The following LRCH1 variants were observed in gnomAD, a reference collection of about 807,000 sequenced individuals.
The protein encoded by LRCH1 is leucine rich repeats and calponin homology domain containing 1, also known as leucine-rich repeat and calponin homology domain-containing protein 1.
Under a neutral mutation model 94.9 loss-of-function variants are expected in LRCH1, and 23 were observed. That is an observed-to-expected ratio of 0.24 (90% CI 0.17 to 0.34). The LOEUF (loss-of-function observed/expected upper bound fraction) is 0.34. LRCH1 is among the 10% of genes least tolerant of loss of function. LRCH1 has a pLI of 1.00. For synonymous variants in LRCH1, 364 were observed against 354.9 expected (o/e 1.03, Z -0.29); for missense variants, 790 against 945.9 (o/e 0.84, Z 2.16).
At chr13:46,680,857 G>A (rs569640016) in intron 3 of LRCH1, among the ~76,000 whole-genome samples, 4 of 152,288 alleles carry the variant, frequency 2.6e-5, no homozygotes, top group African/African-American at 4.8e-5. Flanking sequence ...CATCCAAGGC[G>A]GAGACTGATG....
Position 46,636,157 on chromosome 13 carries a change from C to T in LRCH1, c.308-14044C>T, listed in dbSNP as rs150192853. Among the ~76,000 whole-genome samples the T allele has an allele frequency of 6.7e-3, 915 of 136,318 alleles. 6 individuals are homozygous for T. Among genetic ancestry groups the T allele is most frequent in the African/African-American group, 0.024 (874 of 36,532 alleles). 89.4% of individuals were successfully genotyped at this position (136,318 alleles called of 152,430 possible). On this transcript the variant is annotated intron_variant, in intron 1 of 19. Transcript: ENST00000389797. Reference sequence around the variant, plus strand: ...CGATCTCGGCTCACTGTAACCTCTGCTTCCTGGGTTCAAGCGATTCTCCTA... The same window carrying T: ...CGATCTCGGCTCACTGTAACCTCTGTTTCCTGGGTTCAAGCGATTCTCCTA...
chr13:46,735,048 G>A (rs925361332), intron 19 of LRCH1, among the ~76,000 whole-genome samples: 7 of 151,648 alleles, frequency 4.6e-5, no homozygotes, highest in African/African-American at 1.7e-4. Flanking sequence ...GGGGGATAGC[G>A]GTAGACTTCT....
At chr13:46,685,776 C>T in intron 4 of LRCH1, 129 bp from the exon 5 acceptor site, 2 of 643,496 alleles carry the variant, frequency 3.1e-6, no homozygotes, top group Non-Finnish European at 5.0e-6. Flanking sequence ...TAATGTACAA[C>T]TTGCCTTTGA....
At position 46,553,421 on chromosome 13, in the gene LRCH1, C is replaced by T. The variant is rs1292582960; in HGVS notation, c.25C>T (p.Gln9Ter). ...GATGGCGACGCCGGGAAGCGAACCCCAACCTTTCGTCCCGGCCCTTTCGGT... is the reference window on the plus strand; with the variant it reads ...GATGGCGACGCCGGGAAGCGAACCCTAACCTTTCGTCCCGGCCCTTTCGGT... MATPGSEPQPFVPALSVAT... is the reference protein window; with the variant it reads MATPGSEP Residue 9 changes from glutamine to a stop codon, truncating the protein, a stop_gained, in exon 1 of 20, where the codon CAA (glutamine) becomes TAA (stop). Transcript: ENST00000389797. LOFTEE classifies it high-confidence loss of function. 1.9e-6 allele frequency: 3 copies of T among 1,546,370 alleles called. No individual in the cohort carries two copies. Among genetic ancestry groups the T allele is most frequent in the Non-Finnish European group, 2.6e-6 (3 of 1,146,134 alleles).
At chr13:46,636,266 T>G (rs962818843) in intron 1 of LRCH1, among the ~76,000 whole-genome samples, 6 of 151,852 alleles carry the variant, frequency 4.0e-5, no homozygotes, top group Non-Finnish European at 8.8e-5. Flanking sequence ...GAGATGGGGT[T>G]TCACCATGTT....
chr13:46,553,939 G>T (rs976347278), intron 1 of LRCH1, among the ~76,000 whole-genome samples: 3 of 152,224 alleles, frequency 2.0e-5, no homozygotes, highest in Non-Finnish European at 4.4e-5. Flanking sequence ...GGTGCGCCGG[G>T]CCTCTGCGCC....
intron 1 of LRCH1, among the ~76,000 whole-genome samples, chr13:46,591,614 G>A (rs887423999): frequency 2.0e-5 from 3 of 152,230 alleles, no homozygotes; most frequent in Non-Finnish European, 4.4e-5. Flanking sequence ...ATTTTGGAGA[G>A]CTCTGGGTTT....
intron 3 of LRCH1, among the ~76,000 whole-genome samples, chr13:46,676,987 C>G (rs2051682933): frequency 6.6e-6 from 1 of 152,140 alleles, no homozygotes; most frequent in Non-Finnish European, 1.5e-5. Context: ...CTAATGTTCT[C>G]TAGGCTGGTC....
At chr13:46,670,781 TTAAA>T (rs1398539936) in intron 3 of LRCH1, among the ~76,000 whole-genome samples, 2 of 151,736 alleles carry the variant, frequency 1.3e-5, no homozygotes, top group East Asian at 3.9e-4. Flanking sequence ...GAGAGGCCCC[TTAAA>T]TAAGCCCATG....
intron 16 of LRCH1, among the ~76,000 whole-genome samples, chr13:46,719,248 A>G (rs1872483831): frequency 6.6e-6 from 1 of 152,262 alleles, no homozygotes; most frequent in African/African-American, 2.4e-5. Context: ...AATCTTTGCA[A>G]TGACGTTCTC....
Position 46,744,583 on chromosome 13 carries a change from T to C in LRCH1, c.*2735T>C, listed in dbSNP as rs1338978353. The C allele has an allele frequency of 3.0e-6, 3 of 985,246 alleles. No individual in the cohort carries two copies. The highest frequency in any genetic ancestry group is 3.6e-6 in the Non-Finnish European group (3 of 829,892). 61.0% of individuals were successfully genotyped at this position (985,246 alleles called of 1,614,324 possible). ...GATAATCGAGTATAAATTTCATCAA[T>C]GAGAGTAGATAAATAAAGGCACTTG... On this transcript the variant is annotated 3_prime_UTR_variant, in exon 20 of 20. Coordinates refer to ENST00000389797, the MANE Select transcript of LRCH1 (RefSeq NM_001164211.2).
At chr13:46,664,362 T>C (rs187550360) in intron 2 of LRCH1, among the ~76,000 whole-genome samples, 8 of 152,372 alleles carry the variant, frequency 5.3e-5, no homozygotes, top group Admixed American at 3.3e-4. Flanking sequence ...ATAGGCGTTG[T>C]AGCCACATCT....
At chr13:46,701,060 A>G in intron 10 of LRCH1, 61 bp from the exon 11 acceptor site, 1 of 1,015,460 alleles carries the variant, frequency 9.8e-7, no homozygotes, top group South Asian at 1.4e-5. Context: ...TTTTTAAGAA[A>G]TTAGATGATA....
Position 46,741,677 on chromosome 13 carries a change from G to A in LRCH1, c.2121G>A (p.Leu707=). 6.2e-7 allele frequency: 1 copy of A among 1,614,170 alleles called. No individual in the cohort carries two copies. Among genetic ancestry groups the A allele is most frequent in the African/African-American group, 1.3e-5 (1 of 75,048 alleles). The part of the protein sequence containing the change: ...DLCSPCDILQ[L]DFRHIRKTVD... ...GCTCTCCGTGTGACATCCTGCAGTT[G>A]GATTTTCGTCACATTCGAAAGACTG... The change falls in exon 20 of 20, where the codon TTG becomes TTA. Residue 707 remains leucine, a synonymous_variant. Coordinates refer to ENST00000389797, the MANE Select transcript of LRCH1 (RefSeq NM_001164211.2).
chr13:46,673,746 ATTTTTTTTTT>A (rs546225715), intron 3 of LRCH1, among the ~76,000 whole-genome samples: 3 of 108,266 alleles, frequency 2.8e-5, no homozygotes, highest in Admixed American at 2.0e-4. Context: ...TCCAAATGGA[ATTTTTTTTTT>A]TTTTTTTTTT....
At chr13:46,684,388 A>T (rs755100575) in intron 4 of LRCH1, among the ~76,000 whole-genome samples, 1 of 152,206 alleles carries the variant, frequency 6.6e-6, no homozygotes. Flanking sequence ...AGAAATGGTC[A>T]TTATAAAACC....
At chr13:46,715,694 T>G in intron 16 of LRCH1, 30 bp downstream of exon 16, 1 of 1,355,088 alleles carries the variant, frequency 7.4e-7, no homozygotes, top group Non-Finnish European at 1.0e-6. Flanking sequence ...TTCTCCAATG[T>G]TCTCATTAAT....
chr13:46,727,970 G>T (rs557826737), intron 17 of LRCH1, among the ~76,000 whole-genome samples: 1 of 151,000 alleles, frequency 6.6e-6, no homozygotes. Flanking sequence ...AGGTTGGAGT[G>T]CAATGGCATG....
In LRCH1 at chr13:46,744,196, G is replaced by A. The variant is rs991235458; in HGVS notation, c.*2348G>A. 2 of 985,256 alleles carry A rather than the reference G, an allele frequency of 2.0e-6. No individual in the cohort carries two copies. Among genetic ancestry groups the A allele is most frequent in the Admixed American group, 6.1e-5 (1 of 16,262 alleles). 61.0% of individuals were successfully genotyped at this position (985,256 alleles called of 1,614,324 possible). Reference sequence around the variant, plus strand: ...GGATGCCTGCCCTTGCAGCTTGACTGGGGATACCTGGCTGACCTCCTTAGA... The same window carrying A: ...GGATGCCTGCCCTTGCAGCTTGACTAGGGATACCTGGCTGACCTCCTTAGA... On this transcript the variant is annotated 3_prime_UTR_variant, in exon 20 of 20. Coordinates refer to ENST00000389797, the MANE Select transcript of LRCH1 (RefSeq NM_001164211.2).
Sources: gnomAD v4.1 joint callset for allele counts (sites outside exome capture counted in the v4.1 genomes callset) on GRCh38, gnomAD v4.1.1 for gene constraint, MANE v1.5 for transcripts, NCBI Gene and HGNC (gene_info 2026-07-23, HGNC 2026-07-21) for gene names.